The following ADARB1 variants were observed in gnomAD, a reference collection of about 807,000 sequenced individuals.
The protein encoded by ADARB1 is double-stranded RNA-specific editase 1.
Under a neutral mutation model 52.4 loss-of-function variants are expected in ADARB1, and 10 were observed. That is an observed-to-expected ratio of 0.19 (90% CI 0.12 to 0.32). The LOEUF (loss-of-function observed/expected upper bound fraction) is 0.32, where lower values mean the gene tolerates loss of function less well. Ranked by LOEUF, ADARB1 falls within the 10% of genes least tolerant of loss-of-function variation. The pLI is 1.00. For synonymous variants in ADARB1, 349 were observed against 371.1 expected (o/e 0.94, Z 0.68); for missense variants, 643 against 922.3 (o/e 0.70, Z 3.92).
intron 8 of ADARB1, among the ~76,000 whole-genome samples, chr21:45,192,284 C>T (rs1248724808): frequency 6.6e-6 from 1 of 152,096 alleles, no homozygotes. Context: ...GAAGGAGTAA[C>T]CAAATAAGGT....
chr21:45,083,807 G>A lies in ADARB1; in HGVS notation c.-220+9014G>A, dbSNP rs540594141. On this transcript the variant is annotated intron_variant, in intron 1 of 10. Transcript: ENST00000348831. Reference sequence around the variant, plus strand: ...CCTCCTGGGTTCAAGCGATCCTCCCGCCTCAGTCTCAGCCTCCCAGGTAGC... The same window carrying A: ...CCTCCTGGGTTCAAGCGATCCTCCCACCTCAGTCTCAGCCTCCCAGGTAGC... Among the ~76,000 whole-genome samples the A allele has an allele frequency of 7.2e-5, 11 of 152,210 alleles. No homozygotes were observed. The South Asian group carries it at 1.7e-3, about 23-fold the overall frequency.
intron 1 of ADARB1, among the ~76,000 whole-genome samples, chr21:45,089,270 G>C (rs776496492): frequency 5.9e-5 from 9 of 152,168 alleles, no homozygotes; most frequent in Non-Finnish European, 1.2e-4. Flanking sequence ...GGACATAGGG[G>C]AATTATCTGT....
In ADARB1 at chr21:45,094,854, C is replaced by T. The variant is rs144375445; in HGVS notation, c.-220+20061C>T. Among the ~76,000 whole-genome samples the T allele has an allele frequency of 1.1e-3, 173 of 152,186 alleles. 1 individual carries two copies. The highest frequency in any genetic ancestry group is 2.0e-3 in the Non-Finnish European group (135 of 67,998). On this transcript the variant is annotated intron_variant, in intron 1 of 10. Coordinates refer to ENST00000348831, the MANE Select transcript of ADARB1 (RefSeq NM_001112.4). ...AAGTCATAACTGTGATGAAGGAAGA[C>T]CAATTGAGGACCTCCATCAGCCGAG...
chr21:45,180,600 A>G (rs565674014), intron 5 of ADARB1, among the ~76,000 whole-genome samples, 156 bp downstream of exon 5: 36 of 152,352 alleles, frequency 2.4e-4, no homozygotes, highest in African/African-American at 8.2e-4. Flanking sequence ...TACGAACTGC[A>G]CTTACAAGCT....
At chr21:45,077,393 C>T (rs771824531) in intron 1 of ADARB1, among the ~76,000 whole-genome samples, 3 of 152,164 alleles carry the variant, frequency 2.0e-5, no homozygotes, top group East Asian at 1.9e-4. Context: ...TGGCCGGGCG[C>T]GGTGGCTCAC....
rs12482438 is a variant in ADARB1 at position 45,098,579 on chromosome 21, C to G, written c.-220+23786C>G. On this transcript the variant is annotated intron_variant, in intron 1 of 10. Transcript: ENST00000348831. ...ACAAAACTGTTGAGTTTGAATCATC[C>G]CCACCCTGCCTCTTCCTAGCTGCAG... Among the ~76,000 whole-genome samples, 1,111 of 152,288 alleles carry G rather than the reference C, an allele frequency of 7.3e-3. 8 individuals are homozygous for G. The highest frequency in any genetic ancestry group is 0.016 in the African/African-American group (649 of 41,550).
intron 1 of ADARB1, among the ~76,000 whole-genome samples, chr21:45,085,955 G>C (rs949180105): frequency 6.6e-6 from 1 of 152,222 alleles, no homozygotes; most frequent in Non-Finnish European, 1.5e-5. Context: ...TGTGGCACAG[G>C]CAAGAAGTGC....
chr21:45,121,242 C>G (rs2088163325), intron 1 of ADARB1, among the ~76,000 whole-genome samples: 1 of 152,170 alleles, frequency 6.6e-6, no homozygotes, highest in Admixed American at 6.5e-5. Flanking sequence ...TATAGCCACT[C>G]TTTTTTGCTA....
At chr21:45,186,537 A>C (rs2092113295) in intron 8 of ADARB1, among the ~76,000 whole-genome samples, 1 of 152,234 alleles carries the variant, frequency 6.6e-6, no homozygotes, top group Non-Finnish European at 1.5e-5. Flanking sequence ...ATAGTGCATT[A>C]AGTTAGCTTC....
intron 6 of ADARB1, 128 bp from the exon 7 acceptor site, chr21:45,183,234 A>G (rs945828265): frequency 6.6e-6 from 6 of 902,624 alleles, no homozygotes; most frequent in Admixed American, 3.4e-5. Context: ...TACCCTAAAC[A>G]TGTAAAATAA....
At position 45,222,036 on chromosome 21, in the gene ADARB1, C is replaced by T; in HGVS notation, c.1945C>T (p.Arg649Cys). The T allele has an allele frequency of 1.9e-6, 3 of 1,613,740 alleles. No homozygotes were observed. Among genetic ancestry groups the T allele is most frequent in the East Asian group, 2.2e-5 (1 of 44,876 alleles). Residue 649 changes from arginine to cysteine, a missense_variant, in exon 11 of 11, where the codon CGC (arginine) becomes TGC (cysteine). Arg to Cys is a radical substitution (Grantham distance 180, BLOSUM62 -3). This residue lies in a region of ADARB1 where 263 missense variants were observed against 475.8 expected (regional missense o/e 0.55). Transcript: ENST00000348831. ...VHGKVPSHLL[R>C]SKITKPNVYH... ...TTCACAGGTTCCCTCCCACTTACTA[C>T]GCTCCAAGATTACCAAGCCCAACGT...
intron 8 of ADARB1, among the ~76,000 whole-genome samples, chr21:45,193,813 T>A (rs758019758): frequency 6.6e-5 from 10 of 152,188 alleles, no homozygotes; most frequent in Non-Finnish European, 1.3e-4. Flanking sequence ...TGTAACACAT[T>A]GCCTAGAGAA....
intron 2 of ADARB1, among the ~76,000 whole-genome samples, chr21:45,166,064 C>G (rs1398811027): frequency 6.6e-6 from 1 of 152,048 alleles, no homozygotes; most frequent in Non-Finnish European, 1.5e-5. Context: ...AGAAACTATT[C>G]AAGTTCTGAT....
chr21:45,217,564 T>C (rs1231247845), intron 9 of ADARB1, among the ~76,000 whole-genome samples: 1 of 152,192 alleles, frequency 6.6e-6, no homozygotes, highest in Non-Finnish European at 1.5e-5. Context: ...ATCTTATTAT[T>C]TTCATCTTAA....
intron 9 of ADARB1, among the ~76,000 whole-genome samples, chr21:45,216,959 C>T (rs1268384587): frequency 6.6e-6 from 1 of 151,852 alleles, no homozygotes; most frequent in African/African-American, 2.4e-5. Flanking sequence ...TGATGACCCT[C>T]TTTATTTCTG....
rs1249034113 is a variant in ADARB1 at position 45,204,312 on chromosome 21, CATTG to C, written c.1566-238_1566-235del. The stretch of plus-strand genomic sequence containing the variant: ...TTTCTCACAAGAAACATATGTGGCT[CATTG>C]ATTGTGGGAAAACGTAATGGTAAAA... On this transcript the variant is annotated intron_variant, in intron 8 of 10. Transcript: ENST00000348831. This position sits in a 1 kb window ranked among gnomAD's most constrained non-coding sequence, Gnocchi z 4.4. 2.6e-5 allele frequency among the ~76,000 whole-genome samples: 4 copies of C among 152,188 alleles called. No homozygotes were observed. The highest frequency in any genetic ancestry group is 7.2e-5 in the African/African-American group (3 of 41,446).
At chr21:45,081,502 T>C (rs2086149136) in intron 1 of ADARB1, among the ~76,000 whole-genome samples, 1 of 152,246 alleles carries the variant, frequency 6.6e-6, no homozygotes. Flanking sequence ...GAGCACCTTT[T>C]AGGTAGGCTA....
intron 1 of ADARB1, among the ~76,000 whole-genome samples, chr21:45,075,417 GA>G (rs1287125273): frequency 1.2e-4 from 18 of 152,104 alleles, no homozygotes; most frequent in African/African-American, 4.1e-4. Flanking sequence ...CACGGGAGTG[GA>G]GACTGCGTTG....
chr21:45,109,867 G>A (rs182964787), intron 1 of ADARB1, among the ~76,000 whole-genome samples: 66 of 152,240 alleles, frequency 4.3e-4, no homozygotes, highest in South Asian at 1.2e-3. Flanking sequence ...GCGGTTGTAC[G>A]TCAGTATGTG....
Sources: gnomAD v4.1 joint callset for allele counts (sites outside exome capture counted in the v4.1 genomes callset) on GRCh38, gnomAD v4.1.1 for gene constraint, gnomAD v4.1.1 regional missense constraint, Gnocchi (gnomAD v3.1) non-coding constraint, MANE v1.5 for transcripts, NCBI Gene and HGNC (gene_info 2026-07-23, HGNC 2026-07-21) for gene names.